Variants in SLIT3 observed in about 807,000 individuals in gnomAD.
SLIT3 encodes the protein slit guidance ligand 3.
SLIT3 carries 68 observed loss-of-function variants against 184.0 expected under a neutral mutation model. The observed-to-expected ratio is 0.37, with a 90% CI of 0.30 to 0.45. The LOEUF (loss-of-function observed/expected upper bound fraction) is 0.45, where lower values mean the gene tolerates loss of function less well. Ranked by LOEUF, SLIT3 falls within the 20% of genes least tolerant of loss-of-function variation. The pLI, the probability that SLIT3 is intolerant of heterozygous loss-of-function variation, is 1.00. For missense variants in SLIT3, 1,707 were observed against 2,026.0 expected (o/e 0.84, Z 3.02); for synonymous variants, 831 against 828.6 (o/e 1.00, Z -0.05).
At chr5:168,755,409 C>CTTTCTTTCTTTCTTTCTT (rs1754879617) in intron 16 of SLIT3, among the ~76,000 whole-genome samples, 1 of 22,498 alleles carries the variant, frequency 4.4e-5, no homozygotes, top group Non-Finnish European at 7.8e-5. Context: ...TTCTTTCTTT[C>CTTTCTTTCTTTCTTTCTT]TTTCTTTCTT....
At chr5:168,958,749 T>C (rs1002911160) in intron 4 of SLIT3, among the ~76,000 whole-genome samples, 2 of 152,346 alleles carry the variant, frequency 1.3e-5, no homozygotes. Flanking sequence ...CAAGGGGCAA[T>C]TCAATGGTTT....
intron 23 of SLIT3, among the ~76,000 whole-genome samples, chr5:168,718,749 TTCTC>T (rs990029456): frequency 4.8e-5 from 4 of 83,776 alleles, no homozygotes; most frequent in East Asian, 4.0e-4. Flanking sequence ...CTCTCTCTCT[TTCTC>T]TCTCTCTCTT....
At chr5:169,003,534 G>A (rs757444640) in intron 4 of SLIT3, among the ~76,000 whole-genome samples, 1 of 152,222 alleles carries the variant, frequency 6.6e-6, no homozygotes, top group Non-Finnish European at 1.5e-5. Flanking sequence ...CAGAGTGGCC[G>A]TGAACACAGA....
chr5:169,039,348 G>A (rs932215866), intron 4 of SLIT3, among the ~76,000 whole-genome samples: 1 of 125,328 alleles, frequency 8.0e-6, no homozygotes, highest in Non-Finnish European at 1.6e-5. Flanking sequence ...ATGCAGTCTT[G>A]TTCTGTCGCC....
At chr5:169,272,715 C>G (rs1318104067) in intron 1 of SLIT3, among the ~76,000 whole-genome samples, 5 of 152,210 alleles carry the variant, frequency 3.3e-5, no homozygotes. Context: ...TCCTGCAGGT[C>G]TACTGAAGTT....
chr5:168,942,286 A>G (rs148985129), intron 4 of SLIT3, among the ~76,000 whole-genome samples: 1 of 152,340 alleles, frequency 6.6e-6, no homozygotes, highest in East Asian at 1.9e-4. Flanking sequence ...CAATGACATT[A>G]TTGAGCCACT....
chr5:169,032,127 C>A (rs767132470), intron 4 of SLIT3, among the ~76,000 whole-genome samples: 1 of 152,054 alleles, frequency 6.6e-6, no homozygotes, highest in Non-Finnish European at 1.5e-5. Flanking sequence ...CCAAACTCAG[C>A]GGGTTATTAG....
chr5:169,237,402 G>A (rs527667770), intron 3 of SLIT3, among the ~76,000 whole-genome samples: 9 of 152,034 alleles, frequency 5.9e-5, no homozygotes, highest in East Asian at 3.9e-4. Context: ...TTCAACTTTC[G>A]GTTCCCTCTT....
chr5:168,992,345 C>T (rs1469138700), intron 4 of SLIT3, among the ~76,000 whole-genome samples: 1 of 152,206 alleles, frequency 6.6e-6, no homozygotes, highest in African/African-American at 2.4e-5. Context: ...GACGCAAGGA[C>T]CCTCAACTAC....
At chr5:169,010,582 G>A (rs545279365) in intron 4 of SLIT3, among the ~76,000 whole-genome samples, 10 of 152,272 alleles carry the variant, frequency 6.6e-5, no homozygotes, top group Admixed American at 4.6e-4. Context: ...CTCAGTCTGT[G>A]GAATGAGATT....
chr5:169,182,178 A>G (rs1763183267), intron 4 of SLIT3, among the ~76,000 whole-genome samples: 1 of 152,224 alleles, frequency 6.6e-6, no homozygotes, highest in Non-Finnish European at 1.5e-5. Context: ...GAGGAGAATT[A>G]GAAAAGGAAC....
At chr5:168,747,590 T>C (rs1044649002) in intron 20 of SLIT3, among the ~76,000 whole-genome samples, 3 of 152,104 alleles carry the variant, frequency 2.0e-5, no homozygotes, top group African/African-American at 7.2e-5. Context: ...TGGGGGACCG[T>C]GCCTTGTCCT....
chr5:169,025,373 A>T (rs1347126260), intron 4 of SLIT3, among the ~76,000 whole-genome samples: 2 of 152,250 alleles, frequency 1.3e-5, no homozygotes, highest in African/African-American at 4.8e-5. Context: ...TCTCTGGCCT[A>T]TAGGTGATTC....
chr5:169,216,732 A>C (rs17735527), intron 3 of SLIT3, among the ~76,000 whole-genome samples: 21,748 of 151,966 alleles, frequency 0.14, 1,899 homozygotes, highest in East Asian at 0.44. Context: ...AAAGCAAATA[A>C]CTCATTGAGA....
At chr5:169,185,651 C>T (rs1763307665) in intron 4 of SLIT3, among the ~76,000 whole-genome samples, 1 of 152,116 alleles carries the variant, frequency 6.6e-6, no homozygotes, top group South Asian at 2.1e-4. Context: ...AAGTTTAGTG[C>T]CGAATTGGAA....
chr5:169,090,490 G>A (rs1759537010), intron 4 of SLIT3, among the ~76,000 whole-genome samples: 1 of 152,290 alleles, frequency 6.6e-6, no homozygotes, highest in East Asian at 1.9e-4. Flanking sequence ...AGGATCGGCA[G>A]GCCTTGTCCT....
intron 1 of SLIT3, among the ~76,000 whole-genome samples, chr5:169,296,878 C>T (rs1255492626): frequency 2.0e-5 from 3 of 152,234 alleles, no homozygotes; most frequent in African/African-American, 4.8e-5. Flanking sequence ...CCCACTCCAC[C>T]GTTCAGGCCA....
chr5:169,300,602 G>T lies in SLIT3; in HGVS notation c.108C>A (p.Thr36=). 6.6e-7 allele frequency: 1 copy of T among 1,508,146 alleles called. No homozygotes were observed. 93.4% of individuals were successfully genotyped at this position (1,508,146 alleles called of 1,614,324 possible). A position where few individuals can be genotyped will look rare whatever the true frequency, so the allele number is the denominator to read the frequency against. ...CGCTGGCAGCGGAGCAGGTACACTT[G>T]GTGGGGCAGGCGACGGCTGGAGGCC... ...LSGPPAVACP[T]KCTCSAASVD... is the part of the protein sequence containing the mutation. Residue 36 remains threonine (T), a synonymous_variant, in exon 1 of 36, where the codon ACC becomes ACA. Coordinates refer to ENST00000519560, the MANE Select transcript of SLIT3 (RefSeq NM_003062.4). This position sits in a 1 kb window ranked among gnomAD's most constrained non-coding sequence, Gnocchi z 4.1.
Position 168,671,481 on chromosome 5 carries a change from T to C in SLIT3, c.3844A>G (p.Ile1282Val), listed in dbSNP as rs770847421. ...GCAGAGAGGCCGGTGGAGGTGGGGA[T>C]GCCTGTGGGAGGGGAGCCAGGACAG... ...GINSPLYLGG[I>V]PTSTGLSALR... Residue 1282 changes from isoleucine to valine, a missense_variant and splice_region_variant, in exon 34 of 36, where the codon ATC becomes GTC. Coordinates refer to ENST00000519560, the MANE Select transcript of SLIT3 (RefSeq NM_003062.4). 6.2e-7 allele frequency: 1 copy of C among 1,609,466 alleles called. No individual in the cohort carries two copies. The highest frequency in any genetic ancestry group is 2.2e-5 in the East Asian group (1 of 44,670).
Sources: allele counts gnomAD v4.1 joint callset (sites outside exome capture counted in the v4.1 genomes callset), GRCh38; gene constraint gnomAD v4.1.1; non-coding constraint Gnocchi (gnomAD v3.1); transcripts MANE v1.5; gene names NCBI Gene and HGNC (gene_info 2026-07-23, HGNC 2026-07-21).